The following NBPF20 variants were observed in gnomAD, a reference collection of about 807,000 sequenced individuals.
NBPF20 encodes NBPF member 20.
In NBPF20, 90 loss-of-function variants were observed where a neutral mutation model predicts 68.1. The observed-to-expected ratio is 1.32, with a 90% CI of 1.11 to 1.58. The LOEUF (loss-of-function observed/expected upper bound fraction) is 1.58, where lower values mean the gene tolerates loss of function less well. Among genes scored for constraint, NBPF20 ranks in the 40% most tolerant of loss-of-function variants. NBPF20 has a pLI of 0.00. For synonymous variants in NBPF20, 290 were observed against 228.1 expected (o/e 1.27, Z -2.45); for missense variants, 816 against 601.2 (o/e 1.36, Z -3.74).
upstream of NBPF20, among the ~76,000 whole-genome samples, chr1:145,410,475 C>T (rs1238882402): frequency 2.0e-5 from 3 of 150,784 alleles, no homozygotes; most frequent in Non-Finnish European, 4.4e-5. Context: ...CCACTACGCC[C>T]GGCTATTTTT....
Position 145,291,679 on chromosome 1 carries a change from T to G in NBPF20, c.16788A>C (p.Glu5596Asp), listed in dbSNP as rs587602375. The G allele has an allele frequency of 6.6e-5, 107 of 1,611,908 alleles. 1 individual carries two copies. The South Asian group carries it at 1.0e-3, about 16-fold the overall frequency. The change falls in exon 138 of 138, where the codon GAA (glutamate) becomes GAC (aspartate). Residue 5596 changes from glutamate (E) to aspartate (D), a missense_variant. Glu to Asp is a conservative substitution (Grantham distance 45). Coordinates refer to ENST00000369373, the Ensembl canonical transcript of NBPF20. ...TGTAGTGCTGGAATGAGTCAGGTAG[T>G]TCAAAGTACATTGACGGAGTAGAAT...
chr1:145,392,859 G>T lies in NBPF20; in HGVS notation c.1216+215C>A, dbSNP rs1661976676. Among the ~76,000 whole-genome samples the T allele has an allele frequency of 4.1e-5, 4 of 97,320 alleles. 1 individual carries two copies. The highest frequency in any genetic ancestry group is 7.4e-5 in the Non-Finnish European group (4 of 54,068). 63.8% of individuals were successfully genotyped at this position (97,320 alleles called of 152,430 possible). A position where few individuals can be genotyped will look rare whatever the true frequency, so the allele number is the denominator to read the frequency against. On this transcript the variant is annotated intron_variant, in intron 10 of 137. Transcript: ENST00000369373. ...TGAGAGTAGGATTAGGGCACCACAG[G>T]CATGGCCTGAGACTAGGAAGAGAGC...
At chr1:145,405,002 G>C in intron 2 of NBPF20, 96 bp downstream of exon 7, 6 of 1,551,722 alleles carry the variant, frequency 3.9e-6, no homozygotes, top group Non-Finnish European at 5.3e-6. Context: ...ACAAGTACAA[G>C]AAGGATGAAA....
At chr1:145,405,287 C>G in exon 2 of NBPF20, 1 of 1,602,870 alleles carries the variant, frequency 6.2e-7, no homozygotes, top group African/African-American at 1.3e-5. Flanking sequence ...ACGTTTGTGG[C>G]AGAAGAGGTG....
chr1:145,410,665 G>A, the NBPF20 span, among the ~76,000 whole-genome samples: 5 of 148,818 alleles, frequency 3.4e-5, no homozygotes, highest in Non-Finnish European at 5.9e-5. Context: ...TTGTTTCAAT[G>A]TGCTGTTTAT....
At chr1:145,400,460 T>C (rs1425816554) in exon 6 of NBPF20, 7 of 1,613,014 alleles carry the variant, frequency 4.3e-6, no homozygotes, top group East Asian at 2.2e-5. Context: ...GTCGACTTTG[T>C]CTTCCTCAAA....
chr1:145,404,783 G>A (rs1227183670), intron 2 of NBPF20, among the ~76,000 whole-genome samples: 1 of 151,648 alleles, frequency 6.6e-6, no homozygotes, highest in Non-Finnish European at 1.5e-5. Flanking sequence ...TTGTCTGCAG[G>A]ATCTTATATG....
At position 145,403,191 on chromosome 1, in the gene NBPF20, G is replaced by A. The variant is rs1197339946; in HGVS notation, c.278+25C>T. ...CAGAGATTTACACACCTGCCCCCCT[G>A]CCTGCCACCATGGGGTCCCCTCACC... On this transcript the variant is annotated intron_variant, in intron 3 of 137. Transcript: ENST00000369373. 3.1e-6 allele frequency: 5 copies of A among 1,612,084 alleles called. No individual in the cohort carries two copies. The Admixed American group carries it at 5.0e-5, about 16-fold the overall frequency.
exon 2 of NBPF20, chr1:145,405,102 T>C (rs782548515): frequency 4.1e-5 from 66 of 1,613,434 alleles, no homozygotes; most frequent in Non-Finnish European, 5.3e-5. Context: ...TCTTACTGTA[T>C]TTCTTCTGCT....
chr1:145,424,315 C>A, the NBPF20 span, among the ~76,000 whole-genome samples: 1 of 151,642 alleles, frequency 6.6e-6, no homozygotes, highest in Non-Finnish European at 1.5e-5. Flanking sequence ...CTGTATACTT[C>A]AGTAACTTTT....
chr1:145,394,790 G>T (rs1362283968), intron 8 of NBPF20, among the ~76,000 whole-genome samples, 188 bp downstream of exon 13: 1 of 152,186 alleles, frequency 6.6e-6, no homozygotes, highest in East Asian at 1.9e-4. Flanking sequence ...AGAGAGCAAA[G>T]CTCACTGACC....
At chr1:145,398,049 G>A (rs1196850792) in intron 7 of NBPF20, among the ~76,000 whole-genome samples, 4 of 152,170 alleles carry the variant, frequency 2.6e-5, no homozygotes, top group African/African-American at 7.2e-5. Context: ...AAACATATAT[G>A]CACCGTATAC....
At chr1:145,416,932 T>TA in the NBPF20 span, among the ~76,000 whole-genome samples, 1 of 149,826 alleles carries the variant, frequency 6.7e-6, no homozygotes, top group Non-Finnish European at 1.5e-5. Flanking sequence ...GCTAGAACAT[T>TA]AAAAACTCCT....
At chr1:145,312,479 G>T in intron 111 of NBPF20, 99 bp from the exon 117 acceptor site, 2 of 20,198 alleles carry the variant, frequency 9.9e-5, no homozygotes, top group Admixed American at 4.9e-4. Flanking sequence ...AGTTTGAAAA[G>T]AAAAAGGACA....
chr1:145,399,776 CAAAAAAA>C (rs1176062364), intron 6 of NBPF20, among the ~76,000 whole-genome samples: 129 of 51,732 alleles, frequency 2.5e-3, no homozygotes, highest in African/African-American at 3.3e-3. Context: ...GACTCCATCA[CAAAAAAA>C]AAAAAAAAAA....
intron 7 of NBPF20, among the ~76,000 whole-genome samples, chr1:145,397,309 G>C (rs1553664143): frequency 6.6e-6 from 1 of 152,100 alleles, no homozygotes; most frequent in East Asian, 1.9e-4. Flanking sequence ...GGGTCAAATG[G>C]TATTTCTAGT....
chr1:145,424,629 G>A, the NBPF20 span, among the ~76,000 whole-genome samples: 3 of 152,286 alleles, frequency 2.0e-5, no homozygotes, highest in Middle Eastern at 3.4e-3. Flanking sequence ...AAGATAGGAG[G>A]AAAGCAAGGA....
At chr1:145,396,858 G>C (rs1231483067) in intron 7 of NBPF20, among the ~76,000 whole-genome samples, 52 of 138,120 alleles carry the variant, frequency 3.8e-4, no homozygotes, top group African/African-American at 1.4e-3. Context: ...ACATTGGTGT[G>C]CTTCACCCAT....
chr1:145,419,675 G>A, the NBPF20 span, among the ~76,000 whole-genome samples: 47 of 151,090 alleles, frequency 3.1e-4, no homozygotes, highest in African/African-American at 9.6e-4. Flanking sequence ...CCTGGTGGAC[G>A]GCCACGTGAG....
Sources: allele counts gnomAD v4.1 joint callset (sites outside exome capture counted in the v4.1 genomes callset), GRCh38; gene constraint gnomAD v4.1.1; transcripts MANE v1.5; gene names NCBI Gene and HGNC (gene_info 2026-07-23, HGNC 2026-07-21).